The following LRP1B variants were observed in gnomAD, a reference collection of about 807,000 sequenced individuals.
The protein encoded by LRP1B is low-density lipoprotein receptor-related protein 1B.
LRP1B carries 217 observed loss-of-function variants against 556.6 expected under a neutral mutation model. The observed-to-expected ratio is 0.39, with a 90% CI of 0.35 to 0.44. The LOEUF (loss-of-function observed/expected upper bound fraction) is 0.44, where lower values mean the gene tolerates loss of function less well. Ranked by LOEUF, LRP1B falls within the 20% of genes least tolerant of loss-of-function variation. The probability of loss-of-function intolerance (pLI) is 1.00; values close to 1 mark genes in which losing one functional copy is unlikely to be tolerated. For missense variants in LRP1B, 5,053 were observed against 5,620.8 expected (o/e 0.90, Z 3.23); for synonymous variants, 2,047 against 1,865.8 (o/e 1.10, Z -2.50).
intron 86 of LRP1B, among the ~76,000 whole-genome samples, chr2:140,261,002 AT>A (rs202104178): frequency 0.02 from 3,096 of 151,612 alleles, 38 homozygotes; most frequent in African/African-American, 0.028. Flanking sequence ...GTCAGTAAAT[AT>A]CTGTTGATGA....
At chr2:140,422,840 T>C (rs962769023) in intron 66 of LRP1B, among the ~76,000 whole-genome samples, 3 of 152,306 alleles carry the variant, frequency 2.0e-5, no homozygotes, top group African/African-American at 4.8e-5. Flanking sequence ...TTCAATGAAC[T>C]TTATAGGAAT....
chr2:141,150,111 C>G (rs983267588), intron 7 of LRP1B, among the ~76,000 whole-genome samples: 5 of 152,100 alleles, frequency 3.3e-5, no homozygotes, highest in Non-Finnish European at 5.9e-5. Context: ...TCACCCAGGT[C>G]CACTGAACAG....
chr2:140,996,422 A>G (rs771323015), intron 15 of LRP1B, among the ~76,000 whole-genome samples: 2 of 152,026 alleles, frequency 1.3e-5, no homozygotes, highest in South Asian at 2.1e-4. Flanking sequence ...TTCAAAATGC[A>G]TGGTCTTTTC....
chr2:140,498,711 T>C (rs1390809229), intron 55 of LRP1B, among the ~76,000 whole-genome samples: 1 of 151,870 alleles, frequency 6.6e-6, no homozygotes, highest in Non-Finnish European at 1.5e-5. Flanking sequence ...TAGAAGCATC[T>C]TGTTGTACAT....
At chr2:140,960,390 A>C (rs1696000572) in intron 18 of LRP1B, among the ~76,000 whole-genome samples, 1 of 151,934 alleles carries the variant, frequency 6.6e-6, no homozygotes, top group South Asian at 2.1e-4. Context: ...AACAACATAA[A>C]ATTTCCCAAG....
chr2:141,292,480 A>T (rs182433358), intron 3 of LRP1B, among the ~76,000 whole-genome samples: 1 of 152,160 alleles, frequency 6.6e-6, no homozygotes, highest in South Asian at 2.1e-4. Context: ...ACCAAATCTA[A>T]AAAACAGAAT....
intron 1 of LRP1B, among the ~76,000 whole-genome samples, chr2:141,862,178 A>G (rs1230519592): frequency 2.6e-5 from 4 of 152,170 alleles, no homozygotes; most frequent in Non-Finnish European, 4.4e-5. Context: ...TAATATGAGA[A>G]TACAAATTAG....
chr2:140,686,815 G>C (rs1686068219), intron 41 of LRP1B, among the ~76,000 whole-genome samples: 1 of 151,950 alleles, frequency 6.6e-6, no homozygotes, highest in Admixed American at 6.6e-5. Context: ...GTTTCTATGG[G>C]AACAGCATAT....
chr2:141,399,424 G>A (rs1690364625), intron 3 of LRP1B, among the ~76,000 whole-genome samples: 1 of 124,468 alleles, frequency 8.0e-6, no homozygotes, highest in Non-Finnish European at 1.9e-5. Flanking sequence ...ACAAACCCTG[G>A]AAGGTTTAAA....
At chr2:141,209,597 A>G (rs752779790) in intron 6 of LRP1B, among the ~76,000 whole-genome samples, 3 of 152,186 alleles carry the variant, frequency 2.0e-5, no homozygotes, top group Non-Finnish European at 4.4e-5. Flanking sequence ...ATAATCTACA[A>G]TAAGGTTATA....
chr2:140,854,591 T>G (rs1451023087), intron 27 of LRP1B, among the ~76,000 whole-genome samples: 1 of 152,192 alleles, frequency 6.6e-6, no homozygotes, highest in Non-Finnish European at 1.5e-5. Flanking sequence ...TTCATAATAC[T>G]CACATTTTTA....
intron 83 of LRP1B, among the ~76,000 whole-genome samples, chr2:140,299,899 CAT>C (rs1177053669): frequency 6.6e-6 from 1 of 152,038 alleles, no homozygotes; most frequent in African/African-American, 2.4e-5. Flanking sequence ...GCCACACAAA[CAT>C]ATAATGTGAT....
At chr2:140,882,999 C>A (rs1034108361) in intron 25 of LRP1B, among the ~76,000 whole-genome samples, 3 of 152,200 alleles carry the variant, frequency 2.0e-5, no homozygotes, top group African/African-American at 4.8e-5. Context: ...AAAGCATTCT[C>A]ACCTATCAGT....
At chr2:141,809,500 A>G (rs1696266677) in intron 2 of LRP1B, among the ~76,000 whole-genome samples, 1 of 152,050 alleles carries the variant, frequency 6.6e-6, no homozygotes, top group Non-Finnish European at 1.5e-5. Context: ...ATCACTATCA[A>G]TATTCAGGGG....
intron 45 of LRP1B, among the ~76,000 whole-genome samples, chr2:140,538,091 G>A (rs1207451291): frequency 6.6e-6 from 1 of 151,962 alleles, no homozygotes; most frequent in Non-Finnish European, 1.5e-5. Context: ...TAATTTTTGA[G>A]CTTTAGTTCA....
chr2:140,560,735 T>A (rs1680900004), intron 43 of LRP1B, among the ~76,000 whole-genome samples: 1 of 152,158 alleles, frequency 6.6e-6, no homozygotes, highest in Non-Finnish European at 1.5e-5. Context: ...CATTCAAAAT[T>A]TTAACATAAG....
At chr2:140,586,298 T>C (rs1050001210) in intron 43 of LRP1B, among the ~76,000 whole-genome samples, 83 of 152,234 alleles carry the variant, frequency 5.5e-4, no homozygotes, top group African/African-American at 2.0e-3. Flanking sequence ...TCAAATCGTA[T>C]AAGCTGGCAA....
At chr2:141,546,215 T>C (rs1363395609) in intron 2 of LRP1B, among the ~76,000 whole-genome samples, 3 of 152,070 alleles carry the variant, frequency 2.0e-5, no homozygotes, top group Admixed American at 2.0e-4. Context: ...CTGAACCCAC[T>C]CACGATAGAC....
chr2:140,774,542 T>A (rs1357803050), intron 33 of LRP1B, among the ~76,000 whole-genome samples: 1 of 152,172 alleles, frequency 6.6e-6, no homozygotes, highest in African/African-American at 2.4e-5. Flanking sequence ...AATGCTCTGT[T>A]TGGAAATTCT....
Sources: gnomAD v4.1 joint callset for allele counts (sites outside exome capture counted in the v4.1 genomes callset) on GRCh38, gnomAD v4.1.1 for gene constraint, MANE v1.5 for transcripts, NCBI Gene and HGNC (gene_info 2026-07-23, HGNC 2026-07-21) for gene names.